Variants in MROH2B observed in about 807,000 individuals in gnomAD.
The protein encoded by MROH2B is maestro heat-like repeat-containing protein family member 2B.
MROH2B carries 177 observed loss-of-function variants against 208.6 expected under a neutral mutation model. The observed-to-expected ratio is 0.85, with a 90% CI of 0.75 to 0.96. MROH2B has a LOEUF of 0.96. Among genes scored for constraint, MROH2B ranks in the 40% least tolerant of loss-of-function variants. The probability of loss-of-function intolerance (pLI) is 0.00; values close to 1 mark genes in which losing one functional copy is unlikely to be tolerated. For synonymous variants in MROH2B, 728 were observed against 659.0 expected, an observed-to-expected ratio of 1.10 and a Z score of -1.60; for missense variants, 2,002 against 1,878.7, an observed-to-expected ratio of 1.07 and a Z score of -1.21.
At chr5:41,034,358 A>G (rs1182676134) in intron 21 of MROH2B, among the ~76,000 whole-genome samples, 2 of 152,246 alleles carry the variant, frequency 1.3e-5, no homozygotes, top group African/African-American at 4.8e-5. Flanking sequence ...GTACATGCTG[A>G]ATTCACATTT....
Position 41,038,850 on chromosome 5 carries a change from A to G in MROH2B, c.2100T>C (p.Asp700=). The part of the protein sequence containing the change: ...FSGKKSLTKT[D]VMVIYGAVAL... ...CCACTGCTCCATAGATGACCATGAC[A>G]TCTGTCTTGGTCAGGCTCTTTTTCC... Residue 700 remains aspartate, a synonymous_variant, in exon 21 of 42, where the codon GAT becomes GAC. Coordinates refer to ENST00000399564, the MANE Select transcript of MROH2B (RefSeq NM_173489.5). 2 of 1,613,574 alleles carry G rather than the reference A, an allele frequency of 1.2e-6. No individual in the cohort carries two copies. Among genetic ancestry groups the G allele is most frequent in the East Asian group, 2.2e-5 (1 of 44,872 alleles).
chr5:40,998,596 C>G lies in MROH2B; in HGVS notation c.4651+16G>C. The G allele has an allele frequency of 1.3e-6, 2 of 1,579,244 alleles. No homozygotes were observed. The highest frequency in any genetic ancestry group is 1.7e-6 in the Non-Finnish European group (2 of 1,158,126). The stretch of plus-strand genomic sequence containing the variant: ...AATGTAACAATATGCTGGGAAGAAA[C>G]TAGGTTGGTACTCACGTGTGGTCAG... On this transcript the variant is annotated intron_variant, in intron 41 of 41. Coordinates refer to ENST00000399564, the MANE Select transcript of MROH2B (RefSeq NM_173489.5).
chr5:41,012,480 C>T (rs1323007961), intron 30 of MROH2B, 103 bp downstream of exon 30: 2 of 1,288,278 alleles, frequency 1.6e-6, no homozygotes, highest in African/African-American at 3.0e-5. Context: ...TTGTGCAAGC[C>T]TTTGCATGCT....
At chr5:41,000,615 C>T in intron 38 of MROH2B, 63 bp downstream of exon 38, 1 of 1,536,230 alleles carries the variant, frequency 6.5e-7, no homozygotes, top group Non-Finnish European at 8.7e-7. Context: ...CTAGACCAGG[C>T]TTATTGGTAC....
chr5:41,035,067 T>C (rs764212216), intron 21 of MROH2B, among the ~76,000 whole-genome samples: 37 of 152,198 alleles, frequency 2.4e-4, no homozygotes, highest in Non-Finnish European at 3.7e-4. Context: ...AAATTACCAA[T>C]GTCATTCTTC....
rs941323817 is a variant in MROH2B at position 41,015,243 on chromosome 5, T to G, written c.2982+138A>C. On this transcript the variant is annotated intron_variant, in intron 29 of 41. Transcript: ENST00000399564. ...GAGTGTTGACTAGGCATGTGTACTC[T>G]AAGTTAGAAAATGACAGGACCACGG... The G allele has an allele frequency of 1.2e-4, 85 of 690,108 alleles. 1 individual carries two copies. Among genetic ancestry groups the G allele is most frequent in the East Asian group, 5.2e-4 (19 of 36,220 alleles). The allele number at this position is 690,108 out of a possible 1,614,324, so 42.7% of individuals were successfully genotyped here.
intron 24 of MROH2B, among the ~76,000 whole-genome samples, chr5:41,022,566 T>A (rs937118338): frequency 6.6e-6 from 1 of 152,136 alleles, no homozygotes; most frequent in Non-Finnish European, 1.5e-5. Flanking sequence ...TCGAACTTGG[T>A]GGAGCCCACC....
At chr5:41,041,945 C>T (rs544327894) in intron 19 of MROH2B, 147 bp downstream of exon 19, 173 of 425,080 alleles carry the variant, frequency 4.1e-4, no homozygotes, top group Admixed American at 2.0e-3. Context: ...CTAACTTTTC[C>T]GAAAAATTCT....
At chr5:41,011,351 G>T (rs1014546641) in intron 30 of MROH2B, among the ~76,000 whole-genome samples, 1 of 152,018 alleles carries the variant, frequency 6.6e-6, no homozygotes, top group Non-Finnish European at 1.5e-5. Flanking sequence ...GAGGATTTAG[G>T]TCCCTATTGT....
intron 37 of MROH2B, among the ~76,000 whole-genome samples, chr5:41,003,500 G>A (rs1448475197): frequency 6.6e-6 from 1 of 152,158 alleles, no homozygotes; most frequent in East Asian, 1.9e-4. Flanking sequence ...TTGGATTTGA[G>A]AGGTAATATA....
intron 6 of MROH2B, among the ~76,000 whole-genome samples, chr5:41,061,106 T>C (rs1743623684): frequency 6.6e-6 from 1 of 152,262 alleles, no homozygotes; most frequent in Non-Finnish European, 1.5e-5. Flanking sequence ...GAATATTCTT[T>C]AGATGTTATT....
rs141861920 is a variant in MROH2B, at chr5:41,048,635, T to C, written c.1543-170A>G. 1.3e-3 allele frequency among the ~76,000 whole-genome samples: 196 copies of C among 152,336 alleles called. 2 individuals carry two copies. The East Asian group carries it at 0.034, about 26-fold the overall frequency. Reference sequence around the variant, plus strand: ...TTCTAGAATGAAGCTAATACTTAGATAGCCCTTCTCCCATTTCTTTTTCCC... The same window carrying C: ...TTCTAGAATGAAGCTAATACTTAGACAGCCCTTCTCCCATTTCTTTTTCCC... On this transcript the variant is annotated intron_variant, in intron 15 of 41. Transcript: ENST00000399564.
Position 41,000,741 on chromosome 5 carries a change from T to G in MROH2B, c.4287A>C (p.Glu1429Asp), listed in dbSNP as rs549836281. The G allele has an allele frequency of 9.9e-5, 159 of 1,611,774 alleles. 1 individual carries two copies. The highest frequency in any genetic ancestry group is 1.3e-4 in the Non-Finnish European group (158 of 1,179,134). Residue 1429 changes from glutamate to aspartate, a missense_variant, in exon 38 of 42, where the codon GAA becomes GAC. By Grantham distance (45) the Glu-to-Asp change is conservative. Coordinates refer to ENST00000399564, the MANE Select transcript of MROH2B (RefSeq NM_173489.5). ...GRRWKIFFAE[E>D]IKKSLISFLL... ...GGAATGAAATCAGGCTCTTTTTTAT[T>G]TCTTCAGCAAAAAAAATCTTCCACC...
chr5:41,015,538 G>C lies in MROH2B; in HGVS notation c.2885-60C>G, dbSNP rs549450971. On this transcript the variant is annotated intron_variant, in intron 28 of 41. Coordinates refer to ENST00000399564, the MANE Select transcript of MROH2B (RefSeq NM_173489.5). The stretch of plus-strand genomic sequence containing the variant: ...CAAAGACCTGATAGGGGTTGAAGAG[G>C]CTGGCTATATTTTGATATGACACTA... 8 of 1,480,314 alleles carry C rather than the reference G, an allele frequency of 5.4e-6. No homozygotes were observed. The East Asian group carries it at 1.6e-4, about 29-fold the overall frequency. 91.7% of individuals were successfully genotyped at this position (1,480,314 alleles called of 1,614,324 possible).
At chr5:41,042,233 G>T in intron 18 of MROH2B, 25 bp from the exon 19 acceptor site, 1 of 1,374,870 alleles carries the variant, frequency 7.3e-7, no homozygotes, top group South Asian at 1.3e-5. Context: ...ATAAGCAACA[G>T]GATTTTAAGG....
Position 41,047,780 on chromosome 5 carries a change from G to A in MROH2B, c.1685-16C>T. On this transcript the variant is annotated splice_polypyrimidine_tract_variant and intron_variant, in intron 16 of 41. Coordinates refer to ENST00000399564, the MANE Select transcript of MROH2B (RefSeq NM_173489.5). ...ATGTTCTTTCCTAGAAACAAAAATT[G>A]ATGTAATAATCGCAAAAAAACAAAA... is the stretch of plus-strand genomic sequence containing the variant. The A allele has an allele frequency of 6.4e-7, 1 of 1,573,532 alleles. No individual in the cohort carries two copies. Among genetic ancestry groups the A allele is most frequent in the Non-Finnish European group, 8.6e-7 (1 of 1,158,028 alleles).
chr5:41,049,332 C>T lies in MROH2B; in HGVS notation c.1449G>A (p.Lys483=), dbSNP rs759804207. Residue 483 remains lysine (K), a synonymous_variant, in exon 14 of 42, where the codon AAG becomes AAA. Coordinates refer to ENST00000399564, the MANE Select transcript of MROH2B (RefSeq NM_173489.5). ...TCGACTCCTTGGCACTGTGCTGCTT[C>T]TTCTCCTCTGCCATAATCAGAATTC... The part of the protein sequence containing the change: ...IIRILIMAEE[K]KQHSAKESTA... 2 of 1,613,660 alleles carry T rather than the reference C, an allele frequency of 1.2e-6. No individual in the cohort carries two copies. Among genetic ancestry groups the T allele is most frequent in the Admixed American group, 1.7e-5 (1 of 59,924 alleles).
At chr5:41,067,331 G>T (rs1175375997) in intron 2 of MROH2B, 113 bp from the exon 3 acceptor site, 1 of 619,552 alleles carries the variant, frequency 1.6e-6, no homozygotes, top group East Asian at 2.9e-5. Context: ...ACTACACAAT[G>T]GATTTCATAT....
chr5:40,999,976 C>T lies in MROH2B; in HGVS notation c.4483-197G>A, dbSNP rs974672547. On this transcript the variant is annotated intron_variant, in intron 39 of 41. Coordinates refer to ENST00000399564, the MANE Select transcript of MROH2B (RefSeq NM_173489.5). ...AGCCATCAGAGTTTAAGGGATTAAT[C>T]AACAGATATGAATTTTAGGAACCAA... 50 of 679,446 alleles carry T rather than the reference C, an allele frequency of 7.4e-5. No homozygotes were observed. The Admixed American group carries it at 1.1e-3, about 15-fold the overall frequency. 42.1% of individuals were successfully genotyped at this position (679,446 alleles called of 1,614,324 possible). A position where few individuals can be genotyped will look rare whatever the true frequency, so the allele number is the denominator to read the frequency against.
Sources: gnomAD v4.1 joint callset for allele counts (sites outside exome capture counted in the v4.1 genomes callset) on GRCh38, gnomAD v4.1.1 for gene constraint, MANE v1.5 for transcripts, NCBI Gene and HGNC (gene_info 2026-07-23, HGNC 2026-07-21) for gene names.